The following CNTN5 variants were observed in gnomAD, a reference collection of about 807,000 sequenced individuals.
CNTN5 encodes contactin-5.
A neutral mutation model predicts 129.1 loss-of-function variants in CNTN5; 77 were observed. The observed-to-expected ratio is 0.60, with a 90% confidence interval of 0.50 to 0.72. The LOEUF (loss-of-function observed/expected upper bound fraction) is 0.72, where lower values mean the gene tolerates loss of function less well. CNTN5 is among the 30% of genes least tolerant of loss of function. The probability of loss-of-function intolerance (pLI) is 0.00; values close to 1 mark genes in which losing one functional copy is unlikely to be tolerated. For missense variants in CNTN5, 1,478 were observed against 1,328.8 expected, an observed-to-expected ratio of 1.11 and a Z score of -1.75; for synonymous variants, 509 against 465.6, an observed-to-expected ratio of 1.09 and a Z score of -1.20.
intron 8 of CNTN5, among the ~76,000 whole-genome samples, chr11:99,976,358 A>T (rs1394227764): frequency 6.6e-6 from 1 of 152,204 alleles, no homozygotes; most frequent in Non-Finnish European, 1.5e-5. Flanking sequence ...GCCTCATCTC[A>T]AAGCTCCACT....
At position 99,880,802 on chromosome 11, in the gene CNTN5, A is replaced by C. The variant is rs79364442; in HGVS notation, c.578-35252A>C. 3.4e-3 allele frequency among the ~76,000 whole-genome samples: 522 copies of C among 152,314 alleles called. 6 individuals carry two copies. The highest frequency in any genetic ancestry group is 0.011 in the African/African-American group (460 of 41,584). On this transcript the variant is annotated intron_variant, in intron 6 of 24. Transcript: ENST00000524871. Reference sequence around the variant, plus strand: ...GGTAATAGAATTGTCATCTCTATTTAGGTGTAGGAAATATTATTTTGGAGA... The same window carrying C: ...GGTAATAGAATTGTCATCTCTATTTCGGTGTAGGAAATATTATTTTGGAGA...
intron 16 of CNTN5, among the ~76,000 whole-genome samples, chr11:100,226,536 T>C (rs1056024181): frequency 1.3e-5 from 2 of 152,200 alleles, no homozygotes; most frequent in South Asian, 2.1e-4. Flanking sequence ...ATAAAATGCA[T>C]AAATTTTCGG....
intron 16 of CNTN5, among the ~76,000 whole-genome samples, chr11:100,226,273 T>C (rs1279284990): frequency 6.6e-6 from 1 of 152,164 alleles, no homozygotes; most frequent in Non-Finnish European, 1.5e-5. Flanking sequence ...TTTTAGATTA[T>C]GTATATTTAT....
intron 3 of CNTN5, among the ~76,000 whole-genome samples, chr11:99,660,056 C>T (rs543052060): frequency 1.3e-5 from 2 of 152,162 alleles, no homozygotes; most frequent in African/African-American, 4.8e-5. Flanking sequence ...GAAATATGAA[C>T]ATTGATCCAT....
At chr11:99,109,888 A>G (rs999292837) in intron 1 of CNTN5, among the ~76,000 whole-genome samples, 2 of 152,136 alleles carry the variant, frequency 1.3e-5, no homozygotes, top group Non-Finnish European at 1.5e-5. Context: ...TGAACATTTC[A>G]TTCTGTTTTT....
chr11:99,163,770 G>A (rs185465411), intron 1 of CNTN5, among the ~76,000 whole-genome samples: 29 of 152,192 alleles, frequency 1.9e-4, no homozygotes, highest in African/African-American at 2.6e-4. Context: ...TTCATTAGCC[G>A]GTTTGAATGT....
intron 13 of CNTN5, among the ~76,000 whole-genome samples, chr11:100,157,952 AATTTTTAAACATGAT>A (rs1287484298): frequency 1.3e-5 from 2 of 151,838 alleles, no homozygotes; most frequent in African/African-American, 4.8e-5. Context: ...GTAAACATAA[AATTTTTAAACATGAT>A]ATTGGAGAAT....
In CNTN5 at chr11:100,214,717, C is replaced by T. The variant is rs552071972; in HGVS notation, c.1885-9975C>T. ...TTTGCACACCTAACCCCGAAGCCAA[C>T]GTCAAGTGTTTTGGCTTTAGTTAAC... On this transcript the variant is annotated intron_variant, in intron 15 of 24. Transcript: ENST00000524871. 1.2e-4 allele frequency among the ~76,000 whole-genome samples: 18 copies of T among 152,282 alleles called. No homozygotes were observed. In the East Asian group the frequency reaches 2.5e-3, roughly 21 times the overall value.
intron 1 of CNTN5, among the ~76,000 whole-genome samples, chr11:99,303,189 A>C (rs1411250054): frequency 6.6e-6 from 1 of 151,878 alleles, no homozygotes; most frequent in African/African-American, 2.4e-5. Flanking sequence ...GCCCATATGC[A>C]TTAAGATGCT....
intron 2 of CNTN5, among the ~76,000 whole-genome samples, chr11:99,478,113 TA>T (rs1246333827): frequency 1.3e-5 from 2 of 152,156 alleles, no homozygotes; most frequent in Non-Finnish European, 2.9e-5. Flanking sequence ...CTTAGTGGCT[TA>T]AAACAATGCA....
In CNTN5 at chr11:99,211,810, A is replaced by G. The variant is rs542907395; in HGVS notation, c.-209-113536A>G. On this transcript the variant is annotated intron_variant, in intron 1 of 24. Transcript: ENST00000524871. ...TTCATCATGAATACTTTATATGATC[A>G]TATTCCAGGAAAGACACTTATCCTT... 1.8e-4 allele frequency among the ~76,000 whole-genome samples: 28 copies of G among 152,212 alleles called. No individual in the cohort carries two copies. In the South Asian group the frequency reaches 5.4e-3, roughly 29 times the overall value.
intron 2 of CNTN5, among the ~76,000 whole-genome samples, chr11:99,486,510 C>T (rs1945818386): frequency 6.6e-6 from 1 of 151,824 alleles, no homozygotes; most frequent in South Asian, 2.1e-4. Context: ...GTATATTATT[C>T]CATTTTAGAA....
intron 1 of CNTN5, among the ~76,000 whole-genome samples, chr11:99,306,615 C>A (rs2135958049): frequency 6.6e-6 from 1 of 151,640 alleles, no homozygotes; most frequent in South Asian, 2.1e-4. Flanking sequence ...TCTTTTTTAA[C>A]TAAAAAAATT....
intron 1 of CNTN5, among the ~76,000 whole-genome samples, chr11:99,266,181 A>G (rs542498567): frequency 6.6e-6 from 1 of 152,246 alleles, no homozygotes; most frequent in South Asian, 2.1e-4. Flanking sequence ...ACGATATTTG[A>G]ACAAAATAAA....
intron 6 of CNTN5, among the ~76,000 whole-genome samples, chr11:99,907,877 T>C (rs1306193516): frequency 1.3e-5 from 2 of 152,062 alleles, no homozygotes; most frequent in African/African-American, 2.4e-5. Flanking sequence ...TATCAAAATA[T>C]AACATATTTT....
chr11:100,133,362 T>C (rs1422277608), intron 13 of CNTN5, among the ~76,000 whole-genome samples: 1 of 152,146 alleles, frequency 6.6e-6, no homozygotes, highest in Admixed American at 6.6e-5. Flanking sequence ...GGGATTCATT[T>C]TGGTTTGTTG....
intron 1 of CNTN5, among the ~76,000 whole-genome samples, chr11:99,243,001 T>C (rs1332340448): frequency 2.0e-5 from 3 of 152,182 alleles, no homozygotes; most frequent in Non-Finnish European, 4.4e-5. Context: ...ATACACCCAG[T>C]AATGGGATTC....
At chr11:99,583,923 G>GGGAGCTGTAGACT (rs1368735789) in intron 3 of CNTN5, among the ~76,000 whole-genome samples, 1 of 152,130 alleles carries the variant, frequency 6.6e-6, no homozygotes, top group African/African-American at 2.4e-5. Flanking sequence ...GGCTCAAGCT[G>GGGAGCTGTAGACT]GGAGCTGTAG....
chr11:99,231,562 T>C (rs1861000384), intron 1 of CNTN5, among the ~76,000 whole-genome samples: 1 of 152,212 alleles, frequency 6.6e-6, no homozygotes, highest in Non-Finnish European at 1.5e-5. Flanking sequence ...CTTTGTCCAA[T>C]GGATAGATTG....
Sources: allele counts gnomAD v4.1 joint callset (sites outside exome capture counted in the v4.1 genomes callset), GRCh38; gene constraint gnomAD v4.1.1; transcripts MANE v1.5; gene names NCBI Gene and HGNC (gene_info 2026-07-23, HGNC 2026-07-21).